Variants in TNIK observed in about 807,000 individuals in gnomAD.
TNIK encodes TRAF2 and NCK interacting kinase, also known as TRAF2 and NCK-interacting protein kinase.
A neutral mutation model predicts 191.3 loss-of-function variants in TNIK; 49 were observed. That is an observed-to-expected ratio of 0.26 (90% confidence interval 0.20 to 0.32). The LOEUF (loss-of-function observed/expected upper bound fraction) is 0.32, where lower values mean the gene tolerates loss of function less well. Among genes scored for constraint, TNIK ranks in the 10% least tolerant of loss-of-function variants. The pLI is 1.00. For synonymous variants in TNIK, 594 were observed against 600.9 expected, an observed-to-expected ratio of 0.99 and a Z score of 0.17; for missense variants, 1,155 against 1,702.3, an observed-to-expected ratio of 0.68 and a Z score of 5.66.
In TNIK at chr3:171,219,069, A is replaced by ATATAAT. The variant is rs1553859898; in HGVS notation, c.181-7829_181-7828insATTATA. Among the ~76,000 whole-genome samples, 12 of 89,414 alleles carry ATATAAT rather than the reference A, an allele frequency of 1.3e-4. No homozygotes were observed. The South Asian group carries it at 1.7e-3, about 13-fold the overall frequency. The allele number at this position is 89,414 out of a possible 152,430, so 58.7% of individuals were successfully genotyped here. A position where few individuals can be genotyped will look rare whatever the true frequency, so the allele number is the denominator to read the frequency against. Reference sequence around the variant, plus strand: ...TTATATTTAATATAATATATTAAATATATAAATATATATTTTATATAAATA... The same window carrying ATATAAT: ...TTATATTTAATATAATATATTAAATATATAATTATAAATATATATTTTATATAAATA... On this transcript the variant is annotated intron_variant, in intron 3 of 32. Coordinates refer to ENST00000436636, the MANE Select transcript of TNIK (RefSeq NM_015028.4).
At chr3:171,137,400 A>C (rs73039333) in intron 15 of TNIK, among the ~76,000 whole-genome samples, 4,461 of 152,200 alleles carry the variant, frequency 0.029, 209 homozygotes, top group African/African-American at 0.1. Context: ...CCATAAAATA[A>C]AGGAAATCAC....
At chr3:171,125,547 A>G (rs1235095583) in intron 17 of TNIK, among the ~76,000 whole-genome samples, 1 of 152,230 alleles carries the variant, frequency 6.6e-6, no homozygotes, top group Non-Finnish European at 1.5e-5. Flanking sequence ...TCTACTTTTT[A>G]TCTGGAAGTT....
rs547166211 is a variant in TNIK at position 171,281,857 on chromosome 3, C to T, written c.124-53636G>A. On this transcript the variant is annotated intron_variant, in intron 2 of 32. Coordinates refer to ENST00000436636, the MANE Select transcript of TNIK (RefSeq NM_015028.4). ...TTTGGAAGTGGATTTTTTACTTGAG[C>T]TTCCAGAAAAAAAGCCCAGTCTGGC... 5.3e-5 allele frequency among the ~76,000 whole-genome samples: 8 copies of T among 152,302 alleles called. No individual in the cohort carries two copies. In the South Asian group the frequency reaches 1.7e-3, roughly 32 times the overall value.
chr3:171,399,842 T>C (rs1023639150), intron 1 of TNIK, among the ~76,000 whole-genome samples: 27 of 152,238 alleles, frequency 1.8e-4, no homozygotes, highest in African/African-American at 5.8e-4. Context: ...TCTTTCAGTA[T>C]TTTCCAAGTT....
chr3:171,421,248 A>G (rs1723753011), intron 1 of TNIK, among the ~76,000 whole-genome samples: 1 of 152,242 alleles, frequency 6.6e-6, no homozygotes, highest in South Asian at 2.1e-4. Context: ...CAAGATGTAG[A>G]AACTGCCTTC....
intron 2 of TNIK, among the ~76,000 whole-genome samples, chr3:171,236,190 C>A (rs1290556927): frequency 1.3e-5 from 2 of 152,154 alleles, no homozygotes; most frequent in African/African-American, 2.4e-5. Flanking sequence ...GCCTAGTGAA[C>A]CTTGTAAATT....
At chr3:171,368,668 G>C (rs1224245731) in intron 2 of TNIK, among the ~76,000 whole-genome samples, 1 of 152,092 alleles carries the variant, frequency 6.6e-6, no homozygotes, top group Non-Finnish European at 1.5e-5. Flanking sequence ...TTGACATTCT[G>C]CAGAATTGAA....
intron 26 of TNIK, 32 bp downstream of exon 26, chr3:171,084,123 T>TA (rs371989911): frequency 0.018 from 24,836 of 1,387,654 alleles, 73 homozygotes; most frequent in African/African-American, 0.051. Flanking sequence ...AGTGGTTATT[T>TA]AAAAAAAAAA....
At chr3:171,356,143 C>T (rs1714019739) in intron 2 of TNIK, among the ~76,000 whole-genome samples, 1 of 152,038 alleles carries the variant, frequency 6.6e-6, no homozygotes, top group Non-Finnish European at 1.5e-5. Context: ...TTTCAACAAA[C>T]ATTTATCAAG....
At chr3:171,097,961 T>A (rs1722951761) in intron 22 of TNIK, among the ~76,000 whole-genome samples, 1 of 152,006 alleles carries the variant, frequency 6.6e-6, no homozygotes, top group South Asian at 2.1e-4. Context: ...GAATCTATAC[T>A]GATATAAATG....
At chr3:171,257,490 A>G (rs188404836) in intron 2 of TNIK, among the ~76,000 whole-genome samples, 188 of 146,354 alleles carry the variant, frequency 1.3e-3, no homozygotes, top group Admixed American at 4.8e-3. Context: ...TCATGACATA[A>G]TAACTATTGC....
intron 3 of TNIK, among the ~76,000 whole-genome samples, chr3:171,213,288 C>T (rs1741067090): frequency 6.6e-6 from 1 of 151,942 alleles, no homozygotes. Flanking sequence ...TTTGGGGAAG[C>T]CTAAATAGAA....
intron 1 of TNIK, among the ~76,000 whole-genome samples, chr3:171,432,784 C>T (rs1725533944): frequency 6.6e-6 from 1 of 152,118 alleles, no homozygotes; most frequent in South Asian, 2.1e-4. Context: ...TCCAAGTATA[C>T]ATTCCAGCTA....
Position 171,167,107 on chromosome 3 carries a change from G to A in TNIK, c.937C>T (p.Arg313Ter), listed in dbSNP as rs1553845713. 6.2e-7 allele frequency: 1 copy of A among 1,608,586 alleles called. No homozygotes were observed. The highest frequency in any genetic ancestry group is 8.5e-7 in the Non-Finnish European group (1 of 1,177,534). Residue 313 changes from arginine (R) to a stop codon, truncating the protein, a stop_gained, in exon 10 of 33, where the codon CGA becomes TGA. Coordinates refer to ENST00000436636, the MANE Select transcript of TNIK (RefSeq NM_015028.4). LOFTEE classifies it high-confidence loss of function. ...KDHIDRTKKKRGEKDETEYEY... is the reference protein window; with the variant it reads ...KDHIDRTKKK Reference sequence around the variant, plus strand: ...ATGTGCGTCTAACCTTTTTCTCCTCGCTTCTTCTTTGTTCTATCAATATGG... The same window carrying A: ...ATGTGCGTCTAACCTTTTTCTCCTCACTTCTTCTTTGTTCTATCAATATGG...
At chr3:171,453,236 T>C (rs1025653050) in intron 1 of TNIK, among the ~76,000 whole-genome samples, 2 of 152,110 alleles carry the variant, frequency 1.3e-5, no homozygotes, top group African/African-American at 2.4e-5. Flanking sequence ...AATTGTCTAG[T>C]AGTGAATATA....
rs1366313133 is a variant in TNIK at position 171,159,979 on chromosome 3, T to TTCTCAG, written c.1016+1285_1016+1290dup. ...TTAGCAAGTGTTAGAAAGACAGGGT[T>TTCTCAG]TCTCAGTTCTACAGAAAGTGGTCAG... On this transcript the variant is annotated intron_variant, in intron 11 of 32. Coordinates refer to ENST00000436636, the MANE Select transcript of TNIK (RefSeq NM_015028.4). This position sits in a 1 kb window ranked among gnomAD's most constrained non-coding sequence, Gnocchi z 4.1. Among the ~76,000 whole-genome samples the TTCTCAG allele has an allele frequency of 6.6e-6, 1 of 152,176 alleles. No homozygotes were observed. The highest frequency in any genetic ancestry group is 1.5e-5 in the Non-Finnish European group (1 of 68,034).
chr3:171,416,729 T>A (rs1455162301), intron 1 of TNIK, among the ~76,000 whole-genome samples: 1 of 152,190 alleles, frequency 6.6e-6, no homozygotes, highest in Admixed American at 6.5e-5. Flanking sequence ...CCACAGGGCA[T>A]CTTTAATACT....
chr3:171,067,320 T>C (rs534679677), intron 30 of TNIK, among the ~76,000 whole-genome samples: 1 of 152,234 alleles, frequency 6.6e-6, no homozygotes, highest in South Asian at 2.1e-4. Flanking sequence ...GGTGTCTAAA[T>C]GCCAGAATAA....
intron 1 of TNIK, among the ~76,000 whole-genome samples, chr3:171,374,573 C>T (rs1340895046): frequency 6.6e-6 from 1 of 152,232 alleles, no homozygotes. Context: ...TCAAGAATCC[C>T]TGTTGGCCAC....
Sources: allele counts gnomAD v4.1 joint callset (sites outside exome capture counted in the v4.1 genomes callset), GRCh38; gene constraint gnomAD v4.1.1; non-coding constraint Gnocchi (gnomAD v3.1); transcripts MANE v1.5; gene names NCBI Gene and HGNC (gene_info 2026-07-23, HGNC 2026-07-21).